Variants in NYAP2 observed in about 807,000 individuals in gnomAD.
NYAP2 encodes neuronal tyrosine-phosphorylated phosphoinositide-3-kinase adaptor 2, also known as neuronal tyrosine-phosphorylated phosphoinositide-3-kinase adapter 2.
Under a neutral mutation model 50.4 loss-of-function variants are expected in NYAP2, and 23 were observed. That is an observed-to-expected ratio of 0.46 (90% CI 0.33 to 0.65). The LOEUF (loss-of-function observed/expected upper bound fraction) is 0.65. Among genes scored for constraint, NYAP2 ranks in the 30% least tolerant of loss-of-function variants. NYAP2 has a pLI of 0.02. For synonymous variants in NYAP2, 394 were observed against 365.2 expected, an observed-to-expected ratio of 1.08 and a Z score of -0.90; for missense variants, 885 against 861.0, an observed-to-expected ratio of 1.03 and a Z score of -0.35.
intron 3 of NYAP2, among the ~76,000 whole-genome samples, chr2:225,472,681 T>A (rs1327702859): frequency 1.3e-5 from 2 of 152,170 alleles, no homozygotes; most frequent in Non-Finnish European, 2.9e-5. Flanking sequence ...AAAGAGTAAT[T>A]TTTTTAATTT....
rs543000897 is a variant in NYAP2 at position 225,648,747 on chromosome 2, C to T, written c.1829-2685C>T. ...AAGAAGCTGGAACTTGGTTTGCATC[C>T]TGAAGCAATGTAGACAGCCTAGGGA... is the stretch of plus-strand genomic sequence containing the variant. On this transcript the variant is annotated intron_variant, in intron 6 of 6. Transcript: ENST00000636099. Among the ~76,000 whole-genome samples, 9 of 152,178 alleles carry T rather than the reference C, an allele frequency of 5.9e-5. No individual in the cohort carries two copies. The East Asian group carries it at 1.7e-3, about 29-fold the overall frequency.
intron 5 of NYAP2, among the ~76,000 whole-genome samples, chr2:225,619,901 A>C (rs1693059584): frequency 6.6e-6 from 1 of 152,224 alleles, no homozygotes; most frequent in Non-Finnish European, 1.5e-5. Flanking sequence ...TTTTGTAATA[A>C]ATTTAATTCA....
intron 5 of NYAP2, among the ~76,000 whole-genome samples, chr2:225,617,347 T>C (rs1371333437): frequency 6.6e-6 from 1 of 152,076 alleles, no homozygotes; most frequent in East Asian, 1.9e-4. Context: ...GAGAATTGCT[T>C]GAACCCGGGA....
intron 3 of NYAP2, among the ~76,000 whole-genome samples, chr2:225,473,234 G>A (rs551934885): frequency 1.3e-5 from 2 of 152,284 alleles, no homozygotes; most frequent in African/African-American, 2.4e-5. Context: ...TTGGTTCCAA[G>A]TCTTTGCTAT....
At chr2:225,691,744 C>A in the NYAP2 span, among the ~76,000 whole-genome samples, 1 of 152,062 alleles carries the variant, frequency 6.6e-6, no homozygotes, top group Non-Finnish European at 1.5e-5. Flanking sequence ...TCTTGAGTCA[C>A]ACACACTGGG....
chr2:225,564,737 A>G (rs945262026), intron 4 of NYAP2, among the ~76,000 whole-genome samples: 7 of 152,136 alleles, frequency 4.6e-5, no homozygotes, highest in African/African-American at 9.6e-5. Context: ...GAGCCATCTC[A>G]GTTTTTAGAA....
intron 6 of NYAP2, 114 bp downstream of exon 6, chr2:225,627,240 G>T (rs1303231557): frequency 1.3e-6 from 1 of 781,732 alleles, no homozygotes; most frequent in Non-Finnish European, 2.2e-6. Context: ...CACACAGAGA[G>T]GCACCACAAG....
At chr2:225,574,279 C>T (rs1222046258) in intron 4 of NYAP2, among the ~76,000 whole-genome samples, 1 of 152,110 alleles carries the variant, frequency 6.6e-6, no homozygotes, top group Non-Finnish European at 1.5e-5. Flanking sequence ...GATGTACAGT[C>T]TCGTTCAAAC....
At chr2:225,439,764 A>G (rs184996603) in intron 3 of NYAP2, among the ~76,000 whole-genome samples, 2 of 152,374 alleles carry the variant, frequency 1.3e-5, no homozygotes, top group Admixed American at 6.5e-5. Context: ...TCATGCTGCT[A>G]TGAAGAAATA....
intron 5 of NYAP2, among the ~76,000 whole-genome samples, chr2:225,608,948 C>G (rs1399817817): frequency 2.0e-5 from 3 of 152,114 alleles, no homozygotes; most frequent in Non-Finnish European, 4.4e-5. Context: ...TGTGTCTTCT[C>G]TTTTCATTCC....
At chr2:225,451,613 G>A (rs1425588480) in intron 3 of NYAP2, among the ~76,000 whole-genome samples, 3 of 152,112 alleles carry the variant, frequency 2.0e-5, no homozygotes, top group African/African-American at 7.2e-5. Flanking sequence ...AGAGCTGTGG[G>A]AACTGCTGGC....
chr2:225,608,244 C>T (rs1692823911), intron 5 of NYAP2, among the ~76,000 whole-genome samples: 2 of 152,074 alleles, frequency 1.3e-5, no homozygotes, highest in South Asian at 4.1e-4. Context: ...CTGTACAATA[C>T]GTTGAAAAGG....
At chr2:225,685,356 A>G in the NYAP2 span, among the ~76,000 whole-genome samples, 1 of 152,212 alleles carries the variant, frequency 6.6e-6, no homozygotes, top group Non-Finnish European at 1.5e-5. Context: ...AAGATAATAT[A>G]CTTAGTGAAA....
At chr2:225,431,339 G>T (rs986882400) in intron 3 of NYAP2, among the ~76,000 whole-genome samples, 1 of 152,022 alleles carries the variant, frequency 6.6e-6, no homozygotes, top group Non-Finnish European at 1.5e-5. Flanking sequence ...CAGACTTTCC[G>T]TTTACATATT....
rs76103251 is a variant in NYAP2 at position 225,596,055 on chromosome 2, A to G, written c.1618+13020A>G. On this transcript the variant is annotated intron_variant, in intron 5 of 6. Transcript: ENST00000636099. ...TTTTTTTGAGAGATGGGCTCTGGCT[A>G]TGTTGCCCAGGCTAGAGTGCAGTGG... 4.7e-3 allele frequency among the ~76,000 whole-genome samples: 722 copies of G among 152,162 alleles called. 10 individuals are homozygous for G. Among genetic ancestry groups the G allele is most frequent in the African/African-American group, 0.017 (700 of 41,504 alleles).
At chr2:225,587,828 C>CA (rs5839115) in intron 5 of NYAP2, among the ~76,000 whole-genome samples, 84,519 of 146,132 alleles carry the variant, frequency 0.58, 25,486 homozygotes, top group South Asian at 0.7. Context: ...CTTGGCATTA[C>CA]AAAAAAAAAA....
the NYAP2 span, among the ~76,000 whole-genome samples, chr2:225,688,561 C>A: frequency 2.6e-5 from 4 of 152,028 alleles, no homozygotes; most frequent in South Asian, 6.2e-4. Context: ...TCAGTAGATA[C>A]CAAATTAGGA....
chr2:225,485,533 G>A (rs1266659720), intron 3 of NYAP2, among the ~76,000 whole-genome samples: 1 of 152,160 alleles, frequency 6.6e-6, no homozygotes, highest in African/African-American at 2.4e-5. Context: ...TTAGACTCTG[G>A]CTTTATGTTA....
rs112574830 is a variant in NYAP2 at position 225,628,532 on chromosome 2, A to C, written c.1828+1406A>C. Among the ~76,000 whole-genome samples, 1,173 of 152,102 alleles carry C rather than the reference A, an allele frequency of 7.7e-3. 27 individuals carry two copies. Among genetic ancestry groups the C allele is most frequent in the African/African-American group, 0.027 (1,131 of 41,506 alleles). ...GAGACGGGGTTTCACTATGTTGGTC[A>C]GGCTGGTCTCAAACTCCTGACCTCA... On this transcript the variant is annotated intron_variant, in intron 6 of 6. Coordinates refer to ENST00000636099, the Ensembl canonical transcript of NYAP2.
Sources: allele counts gnomAD v4.1 joint callset (sites outside exome capture counted in the v4.1 genomes callset), GRCh38; gene constraint gnomAD v4.1.1; transcripts MANE v1.5; gene names NCBI Gene and HGNC (gene_info 2026-07-23, HGNC 2026-07-21).